SUPT3H: variants seen among roughly 807,000 people sequenced by gnomAD.
The protein encoded by SUPT3H is SPT3 homolog, SAGA and STAGA complex component, also known as transcription initiation protein SPT3 homolog.
Under a neutral mutation model 44.3 loss-of-function variants are expected in SUPT3H, and 44 were observed. That is an observed-to-expected ratio of 0.99 (90% CI 0.78 to 1.28). The LOEUF is 1.28. SUPT3H is among the 50% of genes most tolerant of loss of function. The pLI is 0.00. For synonymous variants in SUPT3H, 124 were observed against 125.6 expected (o/e 0.99, Z 0.09); for missense variants, 380 against 387.1 (o/e 0.98, Z 0.15).
intron 6 of SUPT3H, among the ~76,000 whole-genome samples, chr6:44,969,104 C>T (rs1777191982): frequency 6.6e-6 from 1 of 152,184 alleles, no homozygotes; most frequent in South Asian, 2.1e-4. Context: ...TGATTTCTCT[C>T]TTCTGAAATT....
intron 2 of SUPT3H, among the ~76,000 whole-genome samples, chr6:45,179,024 C>T (rs373947449): frequency 8.5e-5 from 13 of 152,074 alleles, no homozygotes; most frequent in South Asian, 6.2e-4. Context: ...CAAATAGACG[C>T]AATAAAAAAT....
intron 6 of SUPT3H, among the ~76,000 whole-genome samples, chr6:44,979,178 C>T (rs1225471827): frequency 6.6e-6 from 1 of 152,124 alleles, no homozygotes; most frequent in East Asian, 1.9e-4. Context: ...AAACACACAG[C>T]CCAGATGGTA....
At chr6:44,885,763 G>A (rs531049218) in intron 10 of SUPT3H, among the ~76,000 whole-genome samples, 2 of 152,298 alleles carry the variant, frequency 1.3e-5, no homozygotes, top group African/African-American at 2.4e-5. Context: ...AAAGCCGGAC[G>A]GAGAATGACT....
At chr6:45,112,627 A>G (rs1800230583) in intron 2 of SUPT3H, among the ~76,000 whole-genome samples, 1 of 152,104 alleles carries the variant, frequency 6.6e-6, no homozygotes, top group African/African-American at 2.4e-5. Context: ...TTAGAGGGGA[A>G]GTGCTGATTA....
chr6:45,171,713 C>CTT (rs777154020), intron 2 of SUPT3H, among the ~76,000 whole-genome samples: 8,222 of 93,428 alleles, frequency 0.088, 1,653 homozygotes, highest in African/African-American at 0.19. Context: ...ATTCCACTTG[C>CTT]TTTTTTTTTT....
intron 3 of SUPT3H, among the ~76,000 whole-genome samples, chr6:45,027,593 T>C (rs1271861944): frequency 6.6e-6 from 1 of 152,204 alleles, no homozygotes; most frequent in African/African-American, 2.4e-5. Flanking sequence ...CTGGATTTTG[T>C]TGTATTCCTT....
At chr6:45,235,565 A>AT (rs1358023316) in intron 2 of SUPT3H, among the ~76,000 whole-genome samples, 1 of 152,128 alleles carries the variant, frequency 6.6e-6, no homozygotes, top group African/African-American at 2.4e-5. Flanking sequence ...CCCTAAATTG[A>AT]TTTACTTTAC....
chr6:45,370,860 TTAAG>T (rs773999484), intron 1 of SUPT3H, among the ~76,000 whole-genome samples: 4 of 152,090 alleles, frequency 2.6e-5, no homozygotes, highest in Non-Finnish European at 5.9e-5. Context: ...TAGTCTCACA[TTAAG>T]TTTCTATTCC....
intron 10 of SUPT3H, among the ~76,000 whole-genome samples, chr6:44,848,987 A>T (rs1047822441): frequency 6.6e-6 from 1 of 152,204 alleles, no homozygotes; most frequent in Admixed American, 6.5e-5. Flanking sequence ...TGATAAAAAC[A>T]CTACCTTATA....
chr6:44,848,400 C>T (rs1025510982), intron 10 of SUPT3H, among the ~76,000 whole-genome samples: 5 of 152,156 alleles, frequency 3.3e-5, no homozygotes, highest in Non-Finnish European at 7.4e-5. Flanking sequence ...CCACTGGCAC[C>T]AATTAATTTC....
At chr6:45,075,572 T>A (rs1289784310) in intron 3 of SUPT3H, among the ~76,000 whole-genome samples, 1 of 152,144 alleles carries the variant, frequency 6.6e-6, no homozygotes, top group African/African-American at 2.4e-5. Flanking sequence ...TGAAATTCCA[T>A]CTCATGATAG....
intron 2 of SUPT3H, among the ~76,000 whole-genome samples, chr6:45,318,089 C>A (rs887313080): frequency 3.3e-5 from 5 of 152,180 alleles, no homozygotes; most frequent in African/African-American, 1.2e-4. Flanking sequence ...GATTGGGAGT[C>A]AATTCCAACT....
rs989544284 is a variant in SUPT3H, at chr6:45,377,779, G to A, written c.-12C>T. On this transcript the variant is annotated 5_prime_UTR_variant, in exon 1 of 11. Transcript: ENST00000371459. ...GCAAGCCCTACAACCTCTGCTTTAAGAACCCTTGGAGGCACTGCTGCGCTT... is the reference window on the plus strand; with the variant it reads ...GCAAGCCCTACAACCTCTGCTTTAAAAACCCTTGGAGGCACTGCTGCGCTT... 1 of 152,520 alleles carries A rather than the reference G, an allele frequency of 6.6e-6. No individual in the cohort carries two copies. Among genetic ancestry groups the A allele is most frequent in the East Asian group, 1.9e-4 (1 of 5,194 alleles). 9.4% of individuals were successfully genotyped at this position (152,520 alleles called of 1,614,324 possible).
chr6:45,129,789 T>C (rs907563346), intron 2 of SUPT3H, among the ~76,000 whole-genome samples: 1 of 152,044 alleles, frequency 6.6e-6, no homozygotes, highest in African/African-American at 2.4e-5. Context: ...AATCAATCAA[T>C]TGGATATTCT....
At chr6:45,137,841 G>A (rs1804559458) in intron 2 of SUPT3H, among the ~76,000 whole-genome samples, 1 of 151,832 alleles carries the variant, frequency 6.6e-6, no homozygotes. Flanking sequence ...TAAAGCACCT[G>A]CAATAAGTGA....
chr6:45,065,618 T>A (rs1196762159), intron 3 of SUPT3H, among the ~76,000 whole-genome samples: 1 of 150,812 alleles, frequency 6.6e-6, no homozygotes, highest in Admixed American at 6.6e-5. Context: ...TAAAAAATGA[T>A]AAAGGGGATA....
At chr6:45,128,431 G>A (rs1802773847) in intron 2 of SUPT3H, among the ~76,000 whole-genome samples, 1 of 142,244 alleles carries the variant, frequency 7.0e-6, no homozygotes. Flanking sequence ...CTTGAACCCA[G>A]GAGGTGCAGG....
At chr6:45,077,324 G>C (rs1795122345) in intron 3 of SUPT3H, among the ~76,000 whole-genome samples, 1 of 152,028 alleles carries the variant, frequency 6.6e-6, no homozygotes, top group African/African-American at 2.4e-5. Context: ...GCTTATGATA[G>C]GTGTTTAAGA....
intron 10 of SUPT3H, among the ~76,000 whole-genome samples, chr6:44,920,291 A>G (rs1414564788): frequency 6.6e-6 from 1 of 151,796 alleles, no homozygotes; most frequent in Non-Finnish European, 1.5e-5. Flanking sequence ...AAAATTTCCC[A>G]CTGGGTGTGG....
Sources: allele counts gnomAD v4.1 joint callset (sites outside exome capture counted in the v4.1 genomes callset), GRCh38; gene constraint gnomAD v4.1.1; transcripts MANE v1.5; gene names NCBI Gene and HGNC (gene_info 2026-07-23, HGNC 2026-07-21).